Variants in LRP1B observed in about 807,000 individuals in gnomAD.
The protein encoded by LRP1B is LDL receptor related protein 1B.
A neutral mutation model predicts 556.6 loss-of-function variants in LRP1B; 217 were observed. The ratio of observed to expected loss-of-function variants is 0.39; its 90% confidence interval spans 0.35 to 0.44. The LOEUF (loss-of-function observed/expected upper bound fraction) is 0.44. LRP1B is among the 20% of genes least tolerant of loss of function. LRP1B has a pLI of 1.00. For synonymous variants in LRP1B, 2,047 were observed against 1,865.8 expected (o/e 1.10, Z -2.50); for missense variants, 5,053 against 5,620.8 (o/e 0.90, Z 3.23).
intron 87 of LRP1B, among the ~76,000 whole-genome samples, chr2:140,245,014 C>T (rs781273448): frequency 3.3e-5 from 5 of 151,348 alleles, no homozygotes; most frequent in Admixed American, 6.6e-5. Flanking sequence ...GCAAGTTTCT[C>T]GAAGCATAAA....
In LRP1B at chr2:140,831,509, T is replaced by C. The variant is rs544883291; in HGVS notation, c.5209+8482A>G. 8.5e-5 allele frequency among the ~76,000 whole-genome samples: 13 copies of C among 152,274 alleles called. No individual in the cohort carries two copies. In the South Asian group the frequency reaches 2.7e-3, roughly 32 times the overall value. ...GACTAGATTCCTATCTCTTGCCAAA[T>C]ATAAAAGTCAAATCAAAATGAATCA... On this transcript the variant is annotated intron_variant, in intron 31 of 90. Transcript: ENST00000389484.
At chr2:140,537,000 C>T (rs918035130) in intron 45 of LRP1B, among the ~76,000 whole-genome samples, 5 of 149,864 alleles carry the variant, frequency 3.3e-5, no homozygotes, top group Admixed American at 6.7e-5. Flanking sequence ...GGTGAAACCC[C>T]GTCTACTAAA....
At chr2:140,517,421 A>T (rs1396311899) in intron 49 of LRP1B, among the ~76,000 whole-genome samples, 1 of 152,156 alleles carries the variant, frequency 6.6e-6, no homozygotes, top group African/African-American at 2.4e-5. Context: ...GCACAAAATA[A>T]TAAAATTAAT....
intron 2 of LRP1B, among the ~76,000 whole-genome samples, chr2:141,647,207 T>A (rs1191725227): frequency 6.6e-6 from 1 of 152,186 alleles, no homozygotes; most frequent in Non-Finnish European, 1.5e-5. Flanking sequence ...TCCACATTCC[T>A]TTGCAGCTAG....
Position 141,672,356 on chromosome 2 carries a change from G to GT in LRP1B, c.205+137922dup, listed in dbSNP as rs1242302239. On this transcript the variant is annotated intron_variant, in intron 2 of 90. Transcript: ENST00000389484. ...CTTGAGGGTCCCAGGGCATTGTGCAGTAATCCAGAGTGTTCACAAAGGGAA... is the reference window on the plus strand; with the variant it reads ...CTTGAGGGTCCCAGGGCATTGTGCAGTTAATCCAGAGTGTTCACAAAGGGAA... Among the ~76,000 whole-genome samples, 9 of 152,258 alleles carry GT rather than the reference G, an allele frequency of 5.9e-5. No homozygotes were observed. In the South Asian group the frequency reaches 1.7e-3, roughly 28 times the overall value.
chr2:141,130,261 A>C (rs142208285), intron 7 of LRP1B, among the ~76,000 whole-genome samples: 1,835 of 152,236 alleles, frequency 0.012, 39 homozygotes, highest in African/African-American at 0.042. Context: ...ACACACTGAC[A>C]GGGTAAATGT....
intron 37 of LRP1B, among the ~76,000 whole-genome samples, chr2:140,706,453 A>G (rs747492710): frequency 5.9e-5 from 9 of 152,196 alleles, no homozygotes; most frequent in South Asian, 4.1e-4. Flanking sequence ...AAACTAAAAA[A>G]TGTTCTTTAT....
chr2:140,729,241 T>C (rs1309001117), intron 35 of LRP1B, among the ~76,000 whole-genome samples: 1 of 152,120 alleles, frequency 6.6e-6, no homozygotes, highest in Non-Finnish European at 1.5e-5. Flanking sequence ...TCGCCTGTGA[T>C]TTTTTAAACT....
At chr2:140,668,309 CAAAAAAAAAAAAAAAAAAAAA>C (rs560180473) in intron 41 of LRP1B, among the ~76,000 whole-genome samples, 3 of 59,674 alleles carry the variant, frequency 5.0e-5, no homozygotes, top group South Asian at 8.5e-4. Flanking sequence ...GACTCCGTCT[CAAAAAAAAAAAAAAAAAAAAA>C]AAAAAAAAAA....
chr2:142,013,323 A>C (rs1208597364), intron 1 of LRP1B, among the ~76,000 whole-genome samples: 2 of 152,196 alleles, frequency 1.3e-5, no homozygotes, highest in Non-Finnish European at 2.9e-5. Context: ...AAACTAAAGC[A>C]ATGAGGAGCA....
chr2:141,248,322 C>T (rs1684142208), intron 4 of LRP1B, among the ~76,000 whole-genome samples: 1 of 152,086 alleles, frequency 6.6e-6, no homozygotes, highest in Non-Finnish European at 1.5e-5. Flanking sequence ...ATGGTCCCTA[C>T]CCCTGAGTAA....
At chr2:141,758,395 A>C (rs1574328137) in intron 2 of LRP1B, among the ~76,000 whole-genome samples, 1 of 152,146 alleles carries the variant, frequency 6.6e-6, no homozygotes, top group Non-Finnish European at 1.5e-5. Context: ...TGTATTTTTT[A>C]TTTAACTAAA....
At chr2:140,538,269 T>C (rs1905923) in intron 45 of LRP1B, among the ~76,000 whole-genome samples, 74,077 of 151,836 alleles carry the variant, frequency 0.49, 18,438 homozygotes, top group South Asian at 0.59. Context: ...GCAGGTTTGT[T>C]ACATGGGTTT....
intron 2 of LRP1B, among the ~76,000 whole-genome samples, chr2:141,586,343 C>T (rs1261444876): frequency 2.6e-5 from 4 of 151,762 alleles, no homozygotes; most frequent in Non-Finnish European, 4.4e-5. Flanking sequence ...ATTTTTTTTC[C>T]TTTCAGTACT....
chr2:142,071,744 C>G (rs1033902415), intron 1 of LRP1B, among the ~76,000 whole-genome samples: 1 of 152,058 alleles, frequency 6.6e-6, no homozygotes, highest in East Asian at 1.9e-4. Flanking sequence ...AGGCTCCCTT[C>G]TCTTCTTTCT....
chr2:140,357,773 T>TA (rs537543335), intron 74 of LRP1B, among the ~76,000 whole-genome samples: 110 of 151,788 alleles, frequency 7.2e-4, no homozygotes, highest in Admixed American at 1.4e-3. Flanking sequence ...TTAACAAGGG[T>TA]ACTCATTACA....
At chr2:141,890,275 G>A (rs1699242606) in intron 1 of LRP1B, among the ~76,000 whole-genome samples, 2 of 143,796 alleles carry the variant, frequency 1.4e-5, no homozygotes, top group Admixed American at 1.4e-4. Flanking sequence ...TGCTTATGCT[G>A]TACCCTGAGC....
chr2:140,410,567 T>C (rs964211183), intron 66 of LRP1B, among the ~76,000 whole-genome samples: 1 of 152,130 alleles, frequency 6.6e-6, no homozygotes, highest in Admixed American at 6.6e-5. Context: ...ACACTATGCT[T>C]GAGCTGAATT....
At chr2:141,763,290 A>G (rs1694621941) in intron 2 of LRP1B, among the ~76,000 whole-genome samples, 1 of 152,162 alleles carries the variant, frequency 6.6e-6, no homozygotes. Context: ...ACAATACAAT[A>G]TTTAACTTAA....
Sources: allele counts gnomAD v4.1 joint callset (sites outside exome capture counted in the v4.1 genomes callset), GRCh38; gene constraint gnomAD v4.1.1; transcripts MANE v1.5; gene names NCBI Gene and HGNC (gene_info 2026-07-23, HGNC 2026-07-21).